The following STXBP4 variants were observed in gnomAD, a reference collection of about 807,000 sequenced individuals.
The protein encoded by STXBP4 is syntaxin binding protein 4, also known as syntaxin-binding protein 4.
Under a neutral mutation model 76.1 loss-of-function variants are expected in STXBP4, and 55 were observed. That is an observed-to-expected ratio of 0.72 (90% confidence interval 0.58 to 0.91). The LOEUF (loss-of-function observed/expected upper bound fraction) is 0.91, where lower values mean the gene tolerates loss of function less well. Ranked by LOEUF, STXBP4 falls within the 40% of genes least tolerant of loss-of-function variation. The pLI is 0.00. For missense variants in STXBP4, 618 were observed against 636.9 expected, an observed-to-expected ratio of 0.97 and a Z score of 0.32; for synonymous variants, 201 against 220.2, an observed-to-expected ratio of 0.91 and a Z score of 0.77.
rs186639502 is a variant in STXBP4 at position 55,133,031 on chromosome 17, G to T, written c.1490-8279G>T. Among the ~76,000 whole-genome samples the T allele has an allele frequency of 6.1e-3, 928 of 152,232 alleles. 2 individuals carry two copies. Among genetic ancestry groups the T allele is most frequent in the Non-Finnish European group, 9.9e-3 (673 of 68,020 alleles). ...GAGAAGTTGGAGATGGGGGAGCCAG[G>T]TCATGTAGAAGGAACATAATCTGAC... is the stretch of plus-strand genomic sequence containing the variant. On this transcript the variant is annotated intron_variant, in intron 16 of 17. Transcript: ENST00000376352.
chr17:55,161,671 A>G lies in STXBP4; in HGVS notation c.*1760A>G, dbSNP rs1234861217. ...ACTTGCCGCCCTGTTTCTGTCAAAT[A>G]CCTAGTGAAAAAGGCCTAAACAATT... On this transcript the variant is annotated 3_prime_UTR_variant, in exon 18 of 18. Transcript: ENST00000376352. 1 of 152,166 alleles carries G rather than the reference A, an allele frequency of 6.6e-6. No homozygotes were observed. Among genetic ancestry groups the G allele is most frequent in the Non-Finnish European group, 1.5e-5 (1 of 68,026 alleles). The allele number at this position is 152,166 out of a possible 1,614,324, so 9.4% of individuals were successfully genotyped here.
At chr17:55,097,429 C>T (rs1201959218) in intron 16 of STXBP4, among the ~76,000 whole-genome samples, 2 of 152,186 alleles carry the variant, frequency 1.3e-5, no homozygotes, top group East Asian at 1.9e-4. Flanking sequence ...TTTGGGGGGC[C>T]AAGGCGGGCG....
intron 11 of STXBP4, chr17:55,043,661 T>A (rs1479924666): frequency 6.5e-7 from 1 of 1,549,400 alleles, no homozygotes. Context: ...TCGTGGCAAT[T>A]TTGGATCCTG....
At chr17:55,000,747 A>G (rs1598182047) in intron 6 of STXBP4, 61 bp from the exon 7 acceptor site, 2 of 1,083,422 alleles carry the variant, frequency 1.8e-6, no homozygotes, top group East Asian at 2.4e-5. Flanking sequence ...TTATGTTAAC[A>G]TGGGCTTCAA....
rs142503078 is a variant in STXBP4 at position 55,163,218 on chromosome 17, G to GTTTTTTTT, written c.*3316_*3323dup. On this transcript the variant is annotated 3_prime_UTR_variant, in exon 18 of 18. Coordinates refer to ENST00000376352, the MANE Select transcript of STXBP4 (RefSeq NM_178509.6). ...CCAAATGTTCCTATAGATTTTCTGG[G>GTTTTTTTT]TTTTTTTTTTTTTTTTGTCCTTGGA... is the stretch of plus-strand genomic sequence containing the variant. 7.4e-6 allele frequency: 1 copy of GTTTTTTTT among 135,440 alleles called. No individual in the cohort carries two copies. 8.4% of individuals were successfully genotyped at this position (135,440 alleles called of 1,614,324 possible).
At chr17:55,000,664 A>G (rs2077896177) in intron 6 of STXBP4, 144 bp from the exon 7 acceptor site, 1 of 660,560 alleles carries the variant, frequency 1.5e-6, no homozygotes, top group African/African-American at 1.9e-5. Flanking sequence ...GCTTTGTTTG[A>G]AGATGCATAT....
chr17:55,000,097 CCTAGATATCACTCAAAA>C (rs1176584528), intron 6 of STXBP4: 2 of 503,576 alleles, frequency 4.0e-6, no homozygotes. Flanking sequence ...CAAAGATATG[CCTAGATATCACTCAAAA>C]CTATGTTAAG....
downstream of STXBP4, among the ~76,000 whole-genome samples, chr17:55,178,201 A>G (rs2080437981): frequency 6.6e-6 from 1 of 152,190 alleles, no homozygotes; most frequent in Non-Finnish European, 1.5e-5. Flanking sequence ...AAAGTAGCAA[A>G]AGCTACTATT....
intron 17 of STXBP4, among the ~76,000 whole-genome samples, chr17:55,141,664 A>G (rs2080095956): frequency 1.3e-5 from 2 of 152,212 alleles, no homozygotes; most frequent in South Asian, 2.1e-4. Context: ...ATTAGTGTTT[A>G]TGAAAAGTTA....
At chr17:55,066,769 G>A (rs919925955) in intron 12 of STXBP4, among the ~76,000 whole-genome samples, 3 of 152,010 alleles carry the variant, frequency 2.0e-5, no homozygotes, top group Non-Finnish European at 2.9e-5. Context: ...CATCACTTTC[G>A]GAGGCCGAGG....
intron 16 of STXBP4, among the ~76,000 whole-genome samples, chr17:55,132,292 G>A (rs1353636863): frequency 6.6e-6 from 1 of 152,172 alleles, no homozygotes; most frequent in Non-Finnish European, 1.5e-5. Flanking sequence ...CGGGGTTCAA[G>A]CAGTTCTTCT....
intron 15 of STXBP4, among the ~76,000 whole-genome samples, chr17:55,079,943 C>A (rs1033031290): frequency 5.3e-5 from 8 of 152,092 alleles, no homozygotes; most frequent in African/African-American, 1.9e-4. Flanking sequence ...GACATAACTT[C>A]TTACTCTCCT....
intron 4 of STXBP4, among the ~76,000 whole-genome samples, chr17:54,996,305 T>A (rs1275858349): frequency 6.7e-6 from 1 of 150,026 alleles, no homozygotes; most frequent in Non-Finnish European, 1.5e-5. Flanking sequence ...CCATGGCTGG[T>A]TTGAGGCACA....
intron 9 of STXBP4, among the ~76,000 whole-genome samples, chr17:55,033,569 A>C (rs1299465538): frequency 1.3e-5 from 2 of 152,176 alleles, no homozygotes; most frequent in Non-Finnish European, 1.5e-5. Context: ...ATATTTGAGG[A>C]TACATAGATG....
chr17:55,070,176 G>A (rs916611228), intron 12 of STXBP4, among the ~76,000 whole-genome samples: 1 of 152,180 alleles, frequency 6.6e-6, no homozygotes, highest in Non-Finnish European at 1.5e-5. Context: ...TACTAGGTTT[G>A]TGATTCTGAG....
chr17:54,983,390 G>A (rs1440719173), intron 1 of STXBP4, among the ~76,000 whole-genome samples: 1 of 152,124 alleles, frequency 6.6e-6, no homozygotes, highest in Non-Finnish European at 1.5e-5. Flanking sequence ...ATGTTCCCAG[G>A]GGACCTGGGG....
chr17:55,159,898 A>G lies in STXBP4; in HGVS notation c.1649A>G (p.Asn550Ser), dbSNP rs1269516087. 6.2e-7 allele frequency: 1 copy of G among 1,611,064 alleles called. No individual in the cohort carries two copies. The highest frequency in any genetic ancestry group is 8.5e-7 in the Non-Finnish European group (1 of 1,177,542). ...GAGGATTGCTCTAGAGAACTCCCCAACCAGAAAAGTTGATGGTTTTCCTTA... is the reference window on the plus strand; with the variant it reads ...GAGGATTGCTCTAGAGAACTCCCCAGCCAGAAAAGTTGATGGTTTTCCTTA... The part of the protein sequence containing the change: ...NEEDCSRELP[N>S]QKS The change falls in exon 18 of 18, where the codon AAC (asparagine) becomes AGC (serine). Residue 550 changes from asparagine to serine, a missense_variant. Asn to Ser is a conservative substitution (Grantham distance 46, BLOSUM62 1). Coordinates refer to ENST00000376352, the MANE Select transcript of STXBP4 (RefSeq NM_178509.6).
At chr17:55,089,110 G>T (rs558056872) in intron 16 of STXBP4, among the ~76,000 whole-genome samples, 10 of 152,286 alleles carry the variant, frequency 6.6e-5, no homozygotes, top group African/African-American at 2.4e-4. Flanking sequence ...TAATATCAAA[G>T]TGGCAGGATT....
intron 16 of STXBP4, among the ~76,000 whole-genome samples, chr17:55,106,298 A>T (rs244375): frequency 4.2e-4 from 60 of 144,476 alleles, no homozygotes; most frequent in Non-Finnish European, 3.8e-4. Flanking sequence ...TTTTTTTTTT[A>T]CTTTCCATTT....
Sources: gnomAD v4.1 joint callset for allele counts (sites outside exome capture counted in the v4.1 genomes callset) on GRCh38, gnomAD v4.1.1 for gene constraint, MANE v1.5 for transcripts, NCBI Gene and HGNC (gene_info 2026-07-23, HGNC 2026-07-21) for gene names.